Variants in CCDC141 observed in about 807,000 individuals in gnomAD.
The protein encoded by CCDC141 is coiled-coil domain-containing protein 141.
CCDC141 carries 168 observed loss-of-function variants against 181.0 expected under a neutral mutation model. That is an observed-to-expected ratio of 0.93 (90% CI 0.82 to 1.05). CCDC141 has a LOEUF of 1.05. Ranked by LOEUF, CCDC141 falls within the 50% of genes least tolerant of loss-of-function variation. CCDC141 has a pLI of 0.00. For synonymous variants in CCDC141, 666 were observed against 642.3 expected, an observed-to-expected ratio of 1.04 and a Z score of -0.56; for missense variants, 1,902 against 1,788.5, an observed-to-expected ratio of 1.06 and a Z score of -1.14.
chr2:178,974,706 T>C (rs1691044166), intron 4 of CCDC141, among the ~76,000 whole-genome samples: 2 of 152,208 alleles, frequency 1.3e-5, no homozygotes, highest in Admixed American at 1.3e-4. Context: ...TTCAATGATT[T>C]ATTCAACTAA....
chr2:178,907,377 T>C (rs950648045), intron 7 of CCDC141, among the ~76,000 whole-genome samples: 1 of 152,222 alleles, frequency 6.6e-6, no homozygotes, highest in African/African-American at 2.4e-5. Flanking sequence ...ACCACTGCTC[T>C]TAAATCCTGG....
At chr2:178,887,329 G>C (rs2154370786) in intron 9 of CCDC141, among the ~76,000 whole-genome samples, 1 of 152,242 alleles carries the variant, frequency 6.6e-6, no homozygotes, top group Non-Finnish European at 1.5e-5. Context: ...CCAAACCCTG[G>C]ACGTGTTATA....
intron 22 of CCDC141, among the ~76,000 whole-genome samples, chr2:178,843,015 C>G (rs1013882832): frequency 6.6e-6 from 1 of 152,080 alleles, no homozygotes; most frequent in Non-Finnish European, 1.5e-5. Context: ...ACCCTCCTCA[C>G]CTAGTCTGAT....
At chr2:178,868,645 C>G (rs1360564174) in intron 15 of CCDC141, among the ~76,000 whole-genome samples, 1 of 148,620 alleles carries the variant, frequency 6.7e-6, no homozygotes, top group Non-Finnish European at 1.5e-5. Flanking sequence ...TTGGTTTTCG[C>G]CCTCAAAGAG....
chr2:179,010,632 C>T (rs959633036), intron 2 of CCDC141, among the ~76,000 whole-genome samples: 11 of 152,262 alleles, frequency 7.2e-5, no homozygotes, highest in African/African-American at 2.4e-4. Flanking sequence ...GCCACCACTA[C>T]AGGAACTGCT....
At chr2:178,885,790 A>T (rs370119145) in intron 10 of CCDC141, among the ~76,000 whole-genome samples, 3 of 152,298 alleles carry the variant, frequency 2.0e-5, no homozygotes, top group East Asian at 3.9e-4. Context: ...CCTAAAAACC[A>T]AGCAAAATGA....
Position 178,867,067 on chromosome 2 carries a change from ATATT to A in CCDC141, c.2574+955_2574+958del, listed in dbSNP as rs373444170. Among the ~76,000 whole-genome samples, 115 of 152,316 alleles carry A rather than the reference ATATT, an allele frequency of 7.6e-4. 2 individuals carry two copies. In the East Asian group the frequency reaches 0.016, roughly 21 times the overall value. On this transcript the variant is annotated intron_variant, in intron 16 of 23. Transcript: ENST00000443758. ...TTATTGATGAAAATTTGATCTGGGA[ATATT>A]TCCTTCTCTTTTAGGCCTCTCTTTT...
intron 6 of CCDC141, among the ~76,000 whole-genome samples, chr2:178,939,693 AAAGT>A (rs1689429263): frequency 6.6e-6 from 1 of 152,034 alleles, no homozygotes; most frequent in Non-Finnish European, 1.5e-5. Flanking sequence ...GTCATGGATA[AAAGT>A]AAGGTCCAGA....
chr2:178,864,842 T>C (rs1468039264), intron 17 of CCDC141, among the ~76,000 whole-genome samples: 1 of 152,248 alleles, frequency 6.6e-6, no homozygotes, highest in Non-Finnish European at 1.5e-5. Context: ...GTGAAGAAAG[T>C]TTACTGCCTC....
chr2:178,856,198 A>G (rs1195486649), intron 18 of CCDC141, 59 bp downstream of exon 18: 2 of 1,394,434 alleles, frequency 1.4e-6, no homozygotes, highest in African/African-American at 1.4e-5. Context: ...CAATTTTGCA[A>G]TAATTGTGTA....
intron 2 of CCDC141, among the ~76,000 whole-genome samples, chr2:178,988,376 G>A (rs895692789): frequency 2.9e-4 from 44 of 150,154 alleles, no homozygotes; most frequent in Non-Finnish European, 5.5e-4. Context: ...GCTAGATGAC[G>A]AGTTAGTGGG....
At chr2:178,896,951 C>T (rs1241667915) in intron 8 of CCDC141, among the ~76,000 whole-genome samples, 1 of 151,550 alleles carries the variant, frequency 6.6e-6, no homozygotes, top group Non-Finnish European at 1.5e-5. Context: ...TCTTGTCTGA[C>T]ACCCTTCTCC....
chr2:178,843,336 C>T (rs1006248423), intron 22 of CCDC141, among the ~76,000 whole-genome samples: 1 of 152,224 alleles, frequency 6.6e-6, no homozygotes, highest in Admixed American at 6.5e-5. Context: ...TAAATCCCTT[C>T]TAGCACTAAA....
chr2:178,930,020 G>T (rs1213052511), intron 6 of CCDC141, among the ~76,000 whole-genome samples: 3 of 152,000 alleles, frequency 2.0e-5, no homozygotes, highest in African/African-American at 7.2e-5. Flanking sequence ...GAATATAGAA[G>T]GGGAAACTTG....
chr2:178,998,579 G>A (rs903556490), intron 2 of CCDC141, among the ~76,000 whole-genome samples: 1 of 151,972 alleles, frequency 6.6e-6, no homozygotes, highest in Non-Finnish European at 1.5e-5. Flanking sequence ...AGGTCTATAT[G>A]ACCTCATTTT....
intron 2 of CCDC141, among the ~76,000 whole-genome samples, chr2:179,041,059 TTTTG>T (rs140907026): frequency 0.093 from 14,081 of 151,570 alleles, 690 homozygotes; most frequent in African/African-American, 0.12. Context: ...TCTGCTGTTG[TTTTG>T]TTTGTTTGTT....
Position 178,899,277 on chromosome 2 carries a change from A to C in CCDC141, c.1265+6052T>G, listed in dbSNP as rs183727419. Among the ~76,000 whole-genome samples, 130 of 152,274 alleles carry C rather than the reference A, an allele frequency of 8.5e-4. 1 individual carries two copies. The highest frequency in any genetic ancestry group is 8.5e-3 in the Admixed American group (130 of 15,288). On this transcript the variant is annotated intron_variant, in intron 8 of 23. Transcript: ENST00000443758. ...AAGTATGTGTAGGTATGTGTGTAAG[A>C]TGTGTGTAAGTGCACTCTATGATGT...
intron 6 of CCDC141, among the ~76,000 whole-genome samples, chr2:178,937,304 G>A (rs541415241): frequency 3.3e-5 from 5 of 152,114 alleles, no homozygotes; most frequent in African/African-American, 1.2e-4. Flanking sequence ...AAATGAAGGA[G>A]TGCTTAATTT....
At chr2:178,943,050 A>G (rs1689585333) in intron 6 of CCDC141, among the ~76,000 whole-genome samples, 1 of 152,138 alleles carries the variant, frequency 6.6e-6, no homozygotes, top group Non-Finnish European at 1.5e-5. Flanking sequence ...ATTTATCGTG[A>G]ATATAACCCC....
Sources: gnomAD v4.1 joint callset for allele counts (sites outside exome capture counted in the v4.1 genomes callset) on GRCh38, gnomAD v4.1.1 for gene constraint, MANE v1.5 for transcripts, NCBI Gene and HGNC (gene_info 2026-07-23, HGNC 2026-07-21) for gene names.